ADGRL2: variants seen among roughly 807,000 people sequenced by gnomAD.
The protein encoded by ADGRL2 is adhesion G protein-coupled receptor L2.
ADGRL2 carries 44 observed loss-of-function variants against 157.4 expected under a neutral mutation model. That is an observed-to-expected ratio of 0.28 (90% confidence interval 0.22 to 0.36). ADGRL2 has a LOEUF of 0.36. Ranked by LOEUF, ADGRL2 falls within the 10% of genes least tolerant of loss-of-function variation. ADGRL2 has a pLI of 1.00. For missense variants in ADGRL2, 1,510 were observed against 1,768.9 expected, an observed-to-expected ratio of 0.85 and a Z score of 2.63; for synonymous variants, 585 against 624.7, an observed-to-expected ratio of 0.94 and a Z score of 0.95.
At chr1:81,408,087 T>A (rs1411979222) in intron 1 of ADGRL2, among the ~76,000 whole-genome samples, 2 of 152,170 alleles carry the variant, frequency 1.3e-5, no homozygotes, top group Non-Finnish European at 2.9e-5. Context: ...GGAGTTCAGA[T>A]CTCATTTGTT....
At chr1:81,925,719 A>G (rs1221024577) in intron 3 of ADGRL2, among the ~76,000 whole-genome samples, 1 of 151,984 alleles carries the variant, frequency 6.6e-6, no homozygotes, top group Non-Finnish European at 1.5e-5. Context: ...TTTGATTTGT[A>G]TAGGAAGTTC....
chr1:81,731,554 C>T (rs1429737999), intron 1 of ADGRL2, among the ~76,000 whole-genome samples: 1 of 151,942 alleles, frequency 6.6e-6, no homozygotes, highest in East Asian at 1.9e-4. Context: ...TCAGTTTGAA[C>T]TGCTTTATGC....
intron 2 of ADGRL2, among the ~76,000 whole-genome samples, chr1:81,895,170 G>A (rs938204888): frequency 9.2e-5 from 14 of 152,128 alleles, no homozygotes; most frequent in African/African-American, 3.4e-4. Context: ...GGTGGTTTCA[G>A]TGCAGTTTCA....
chr1:81,628,333 G>A (rs1400858366), intron 3 of ADGRL2, among the ~76,000 whole-genome samples: 1 of 152,154 alleles, frequency 6.6e-6, no homozygotes, highest in Non-Finnish European at 1.5e-5. Flanking sequence ...ATTTGGGTGT[G>A]TAAGTCCCAG....
Position 81,442,579 on chromosome 1 carries a change from T to C in ADGRL2, c.-301-2457T>C, listed in dbSNP as rs1315729556. Among the ~76,000 whole-genome samples, 20 of 152,358 alleles carry C rather than the reference T, an allele frequency of 1.3e-4. No homozygotes were observed. In the South Asian group the frequency reaches 4.1e-3, roughly 32 times the overall value. Reference sequence around the variant, plus strand: ...GCGGTGTGAAGACTAAATAAGTCTATGTAGGAAATTTTCCTTTGTTACCTG... The same window carrying C: ...GCGGTGTGAAGACTAAATAAGTCTACGTAGGAAATTTTCCTTTGTTACCTG... On this transcript the variant is annotated intron_variant, in intron 1 of 24. Transcript: ENST00000370721.
At chr1:81,309,354 A>G (rs1011008579) in intron 1 of ADGRL2, among the ~76,000 whole-genome samples, 4 of 152,150 alleles carry the variant, frequency 2.6e-5, no homozygotes, top group African/African-American at 7.2e-5. Flanking sequence ...CAGTGAAACC[A>G]TCATCCCCAT....
rs554609951 is a variant in ADGRL2, at chr1:81,614,333, G to T, written c.-143+33353G>T. Among the ~76,000 whole-genome samples, 4 of 152,134 alleles carry T rather than the reference G, an allele frequency of 2.6e-5. No individual in the cohort carries two copies. The South Asian group carries it at 8.3e-4, about 32-fold the overall frequency. ...GTAAATCAATGGGTTTTCACTCTCT[G>T]TTCTTGCTCACTGTGCTCTTCAATA... is the stretch of plus-strand genomic sequence containing the variant. On this transcript the variant is annotated intron_variant, in intron 3 of 24. Transcript: ENST00000370721.
chr1:81,524,320 C>T (rs1419344181), intron 2 of ADGRL2, among the ~76,000 whole-genome samples: 3 of 152,094 alleles, frequency 2.0e-5, no homozygotes, highest in Admixed American at 6.5e-5. Context: ...GAGCCGAGAT[C>T]GAGCCACTGC....
At chr1:81,911,723 A>G (rs1394803477) in intron 3 of ADGRL2, among the ~76,000 whole-genome samples, 1 of 152,180 alleles carries the variant, frequency 6.6e-6, no homozygotes, top group Non-Finnish European at 1.5e-5. Context: ...GTCTTTTGCA[A>G]AGCAATTCGT....
At chr1:81,645,841 T>G (rs2082305576) in intron 3 of ADGRL2, among the ~76,000 whole-genome samples, 1 of 152,178 alleles carries the variant, frequency 6.6e-6, no homozygotes, top group South Asian at 2.1e-4. Flanking sequence ...GTGTATCTCT[T>G]TGGTCATATG....
rs141947981 is a variant in ADGRL2, at chr1:81,427,289, C to T, written c.-301-17747C>T. On this transcript the variant is annotated intron_variant, in intron 1 of 24. Transcript: ENST00000370721. ...AGGAGGTGATGGTGGATATAATGGACTTAGAGGCGATGGTGGCAACTATGA... is the reference window on the plus strand; with the variant it reads ...AGGAGGTGATGGTGGATATAATGGATTTAGAGGCGATGGTGGCAACTATGA... 7.4e-3 allele frequency: 5,412 copies of T among 734,870 alleles called. 81 individuals are homozygous for T. Among genetic ancestry groups the T allele is most frequent in the East Asian group, 0.038 (1,570 of 40,832 alleles). The allele number at this position is 734,870 out of a possible 1,614,324, so 45.5% of individuals were successfully genotyped here.
intron 2 of ADGRL2, among the ~76,000 whole-genome samples, chr1:81,538,242 A>G (rs2079793096): frequency 6.6e-6 from 1 of 151,984 alleles, no homozygotes. Context: ...TGGCTCAAAC[A>G]AGGTGCAGGT....
chr1:81,579,800 TAA>T (rs929344112), intron 2 of ADGRL2, among the ~76,000 whole-genome samples: 1 of 151,858 alleles, frequency 6.6e-6, no homozygotes, highest in African/African-American at 2.4e-5. Flanking sequence ...TTAAGATCTT[TAA>T]AAAAAAGTAT....
intron 1 of ADGRL2, among the ~76,000 whole-genome samples, chr1:81,338,353 A>C (rs1435656371): frequency 6.6e-6 from 1 of 152,184 alleles, no homozygotes; most frequent in African/African-American, 2.4e-5. Context: ...ACAGAGCAAG[A>C]CTGTGACTCA....
At chr1:81,629,667 A>ATGTG (rs60497907) in intron 3 of ADGRL2, among the ~76,000 whole-genome samples, 8,074 of 149,182 alleles carry the variant, frequency 0.054, 218 homozygotes, top group Admixed American at 0.061. Flanking sequence ...ATGAATGTAT[A>ATGTG]TGTGTGTGTG....
chr1:81,439,065 T>C (rs543140089), intron 1 of ADGRL2, among the ~76,000 whole-genome samples: 97 of 152,326 alleles, frequency 6.4e-4, no homozygotes, highest in African/African-American at 2.3e-3. Context: ...GAGAACCTTT[T>C]GTACTTGTCA....
chr1:81,984,673 A>G lies in ADGRL2; in HGVS notation c.3373A>G (p.Thr1125Ala), dbSNP rs1413631544. The stretch of plus-strand genomic sequence containing the variant: ...TCCCCACAGTTCAGTGAAGGCATCA[A>G]CCACCAGAACCAGTGCTCGCTATTC... ...ESPHSSVKAS[T>A]TRTSARYSSG... is the part of the protein sequence containing the mutation. The change falls in exon 20 of 24, where the codon ACC (threonine) becomes GCC (alanine). Residue 1125 changes from threonine to alanine, a missense_variant. Coordinates refer to ENST00000686636, the MANE Select transcript of ADGRL2 (RefSeq NM_001366006.2). 1 of 1,612,854 alleles carries G rather than the reference A, an allele frequency of 6.2e-7. No individual in the cohort carries two copies. The highest frequency in any genetic ancestry group is 1.3e-5 in the African/African-American group (1 of 74,820).
At chr1:81,331,689 T>C (rs1661278376) in intron 1 of ADGRL2, among the ~76,000 whole-genome samples, 1 of 152,122 alleles carries the variant, frequency 6.6e-6, no homozygotes, top group Non-Finnish European at 1.5e-5. Flanking sequence ...TTTGACAAAG[T>C]ATAGAAATCA....
At chr1:81,662,586 G>C (rs1268680105) in intron 3 of ADGRL2, among the ~76,000 whole-genome samples, 2 of 142,642 alleles carry the variant, frequency 1.4e-5, no homozygotes, top group Admixed American at 7.2e-5. Context: ...ACAGAGTCTC[G>C]CTCTGTCGCC....
Sources: allele counts gnomAD v4.1 joint callset (sites outside exome capture counted in the v4.1 genomes callset), GRCh38; gene constraint gnomAD v4.1.1; transcripts MANE v1.5; gene names NCBI Gene and HGNC (gene_info 2026-07-23, HGNC 2026-07-21).